The following DLEC1 variants were observed in gnomAD, a reference collection of about 807,000 sequenced individuals.
The protein encoded by DLEC1 is DLEC1 cilia and flagella associated protein.
A neutral mutation model predicts 198.1 loss-of-function variants in DLEC1; 146 were observed. That is an observed-to-expected ratio of 0.74 (90% CI 0.64 to 0.85). The LOEUF is 0.85. Ranked by LOEUF, DLEC1 falls within the 40% of genes least tolerant of loss-of-function variation. DLEC1 has a pLI of 0.00. For missense variants in DLEC1, 2,233 were observed against 2,220.0 expected (o/e 1.01, Z -0.12); for synonymous variants, 897 against 866.8 (o/e 1.03, Z -0.61).
At chr3:38,119,467 C>T (rs1002656257) in intron 33 of DLEC1, among the ~76,000 whole-genome samples, 4 of 152,130 alleles carry the variant, frequency 2.6e-5, no homozygotes, top group Non-Finnish European at 4.4e-5. Flanking sequence ...GTTCTCCCAA[C>T]ACTATTCTCT....
At chr3:38,096,133 C>T (rs9825655) in intron 14 of DLEC1, among the ~76,000 whole-genome samples, 187 bp downstream of exon 14, 18,411 of 152,200 alleles carry the variant, frequency 0.12, 1,566 homozygotes, top group African/African-American at 0.23. Flanking sequence ...GCACACTAAG[C>T]TCGCTAAACT....
At chr3:38,053,478 C>T (rs1228853059) in intron 2 of DLEC1, among the ~76,000 whole-genome samples, 7 of 137,344 alleles carry the variant, frequency 5.1e-5, no homozygotes, top group African/African-American at 1.1e-4. Context: ...TCTGCCCAGC[C>T]GCCCTGTCTG....
intron 6 of DLEC1, among the ~76,000 whole-genome samples, chr3:38,065,006 G>A (rs1219854516): frequency 6.6e-6 from 1 of 152,216 alleles, no homozygotes; most frequent in East Asian, 1.9e-4. Context: ...GGTGGAGGTT[G>A]TAGCGAGCCG....
chr3:38,100,160 C>T, intron 18 of DLEC1, 126 bp from the exon 19 acceptor site: 1 of 1,236,552 alleles, frequency 8.1e-7, no homozygotes, highest in African/African-American at 1.5e-5. Context: ...GTTTCTGGAT[C>T]CCAGATGGCT....
chr3:38,116,168 T>G (rs1451737658), intron 27 of DLEC1, among the ~76,000 whole-genome samples: 1 of 152,056 alleles, frequency 6.6e-6, no homozygotes, highest in Non-Finnish European at 1.5e-5. Flanking sequence ...GAAGCAGCTG[T>G]GGGAGAGAGC....
Position 38,116,870 on chromosome 3 carries a change from G to C in DLEC1, c.4160G>C (p.Cys1387Ser), listed in dbSNP as rs963196407. Residue 1387 changes from cysteine (C) to serine (S), a missense_variant, in exon 29 of 37, where the codon TGT (cysteine) becomes TCT (serine). Physicochemically the swap from Cys to Ser is moderately radical, Grantham distance 112 (BLOSUM62 -1). Coordinates refer to ENST00000308059, the MANE Select transcript of DLEC1 (RefSeq NM_007335.4). ...HEGVPSGHLY[C>S]ISPKQVVVPA... Reference sequence around the variant, plus strand: ...GGGGTGCCCTCCGGCCACCTGTACTGTATCAGCCCCAAGCAGGTGGTGAGT... The same window carrying C: ...GGGGTGCCCTCCGGCCACCTGTACTCTATCAGCCCCAAGCAGGTGGTGAGT... 1.1e-5 allele frequency: 17 copies of C among 1,613,420 alleles called. No homozygotes were observed. Among genetic ancestry groups the C allele is most frequent in the African/African-American group, 2.7e-5 (2 of 74,918 alleles).
At position 38,088,387 on chromosome 3, in the gene DLEC1, A is replaced by G; in HGVS notation, c.1664A>G (p.Glu555Gly). The G allele has an allele frequency of 6.2e-7, 1 of 1,610,016 alleles. No homozygotes were observed. The highest frequency in any genetic ancestry group is 2.2e-5 in the East Asian group (1 of 44,752). The change falls in exon 10 of 37, where the codon GAG becomes GGG. Residue 555 changes from glutamate to glycine, a missense_variant and splice_region_variant. Glu to Gly is a moderately conservative substitution (Grantham distance 98). Transcript: ENST00000308059. ...GCCCCGGGACATGCTATATTAGTGGAGGTAGGTAATCAGACATTGGCATGT... is the reference window on the plus strand; with the variant it reads ...GCCCCGGGACATGCTATATTAGTGGGGGTAGGTAATCAGACATTGGCATGT... ...ELAPGHAILV[E>G]VLFSPKSLGK... is the part of the protein sequence containing the mutation.
intron 13 of DLEC1, chr3:38,095,542 A>G (rs1023245387): frequency 6.0e-6 from 2 of 335,144 alleles, no homozygotes; most frequent in African/African-American, 4.2e-5. Context: ...TGGGGCTGAG[A>G]TGAGTGATCC....
chr3:38,114,110 TAAAAAA>T (rs35524280), intron 25 of DLEC1, among the ~76,000 whole-genome samples: 1 of 87,930 alleles, frequency 1.1e-5, no homozygotes, highest in Admixed American at 1.3e-4. Flanking sequence ...CTGTGTCTAC[TAAAAAA>T]AAAAAAAAAA....
At chr3:38,043,630 T>C (rs1413520509) in intron 1 of DLEC1, among the ~76,000 whole-genome samples, 2 of 152,218 alleles carry the variant, frequency 1.3e-5, no homozygotes, top group Non-Finnish European at 2.9e-5. Flanking sequence ...TGCTAAACTG[T>C]AAACTCTTTA....
chr3:38,088,598 GCATCACA>G (rs1292167023), intron 10 of DLEC1, among the ~76,000 whole-genome samples: 4 of 152,128 alleles, frequency 2.6e-5, no homozygotes, highest in African/African-American at 9.7e-5. Context: ...GATAGCCCTA[GCATCACA>G]TCACAAACCT....
In DLEC1 at chr3:38,096,556, G is replaced by A; in HGVS notation, c.2172-13G>A. The A allele has an allele frequency of 6.2e-7, 1 of 1,607,164 alleles. No individual in the cohort carries two copies. The highest frequency in any genetic ancestry group is 1.1e-5 in the South Asian group (1 of 90,392). On this transcript the variant is annotated splice_polypyrimidine_tract_variant and intron_variant, in intron 14 of 36. Transcript: ENST00000308059. ...GTGTGCCGGCTCCTAGCTAACGGTG[G>A]GTTTGTGTTTAGTTCAGAAGCGGAG... is the stretch of plus-strand genomic sequence containing the variant.
intron 6 of DLEC1, among the ~76,000 whole-genome samples, chr3:38,075,635 G>T (rs951620401): frequency 3.3e-5 from 5 of 152,004 alleles, no homozygotes; most frequent in African/African-American, 1.2e-4. Flanking sequence ...AAGGGGTTGG[G>T]GCACAGAGAT....
chr3:38,072,342 G>A (rs1697365669), intron 6 of DLEC1, among the ~76,000 whole-genome samples: 2 of 152,182 alleles, frequency 1.3e-5, no homozygotes, highest in African/African-American at 2.4e-5. Context: ...GATTTTGAGG[G>A]CCTCTAAAAG....
chr3:38,109,006 G>C (rs1333435700), intron 21 of DLEC1, among the ~76,000 whole-genome samples: 3 of 152,228 alleles, frequency 2.0e-5, no homozygotes, highest in Non-Finnish European at 2.9e-5. Context: ...CCTCCTTACA[G>C]AGACTTGCAA....
intron 34 of DLEC1, 26 bp downstream of exon 34, chr3:38,120,635 G>C (rs1448501740): frequency 1.2e-6 from 2 of 1,611,790 alleles, no homozygotes; most frequent in African/African-American, 2.7e-5. Flanking sequence ...ACCTACATGT[G>C]GAGGAGGGTG....
At chr3:38,064,933 G>A (rs1696930396) in intron 6 of DLEC1, among the ~76,000 whole-genome samples, 1 of 152,112 alleles carries the variant, frequency 6.6e-6, no homozygotes, top group South Asian at 2.1e-4. Context: ...TTCCTAGATG[G>A]GGTGGCGGCC....
At chr3:38,116,388 A>AG in intron 27 of DLEC1, 65 bp from the exon 28 acceptor site, 1 of 1,547,206 alleles carries the variant, frequency 6.5e-7, no homozygotes, top group South Asian at 1.1e-5. Context: ...TATGAGGAGG[A>AG]GGGGGCCCCG....
intron 6 of DLEC1, 151 bp from the exon 7 acceptor site, chr3:38,084,007 C>A (rs1372234021): frequency 6.5e-6 from 4 of 612,094 alleles, no homozygotes; most frequent in Non-Finnish European, 1.1e-5. Flanking sequence ...CCCCATGTAC[C>A]CCTCAGCCAG....
Sources: gnomAD v4.1 joint callset for allele counts (sites outside exome capture counted in the v4.1 genomes callset) on GRCh38, gnomAD v4.1.1 for gene constraint, MANE v1.5 for transcripts, NCBI Gene and HGNC (gene_info 2026-07-23, HGNC 2026-07-21) for gene names.